The following TRPM4 variants were observed in gnomAD, a reference collection of about 807,000 sequenced individuals.
TRPM4 encodes the protein transient receptor potential cation channel subfamily M member 4, also known as calcium-activated non-selective cation channel 1.
In TRPM4, 124 loss-of-function variants were observed where a neutral mutation model predicts 135.6. That is an observed-to-expected ratio of 0.91 (90% CI 0.79 to 1.06). The LOEUF (loss-of-function observed/expected upper bound fraction) is 1.06, where lower values mean the gene tolerates loss of function less well. Ranked by LOEUF, TRPM4 falls within the 50% of genes least tolerant of loss-of-function variation. TRPM4 has a pLI of 0.00. For missense variants in TRPM4, 1,658 were observed against 1,671.4 expected (o/e 0.99, Z 0.14); for synonymous variants, 745 against 705.6 (o/e 1.06, Z -0.88).
intron 12 of TRPM4, among the ~76,000 whole-genome samples, chr19:49,186,887 A>G (rs1030002343): frequency 6.6e-6 from 1 of 151,720 alleles, no homozygotes; most frequent in African/African-American, 2.4e-5. Context: ...AAAAAAAAAA[A>G]AGATTTTAAC....
rs200998908 is a variant in TRPM4 at position 49,200,790 on chromosome 19, G to T, written c.2953+5G>T. The T allele has an allele frequency of 1.1e-5, 18 of 1,613,686 alleles. No individual in the cohort carries two copies. The highest frequency in any genetic ancestry group is 8.9e-5 in the East Asian group (4 of 44,858). On this transcript the variant is annotated splice_donor_5th_base_variant and intron_variant, in intron 19 of 24. Coordinates refer to ENST00000252826, the MANE Select transcript of TRPM4 (RefSeq NM_017636.4). ...TTCCCCAGGAGGACATGGACGGTAGGGGGGATGACGGCCTGACAGCCTTCC... is the reference window on the plus strand; with the variant it reads ...TTCCCCAGGAGGACATGGACGGTAGTGGGGATGACGGCCTGACAGCCTTCC...
chr19:49,194,680 C>T (rs1411278567), intron 16 of TRPM4, among the ~76,000 whole-genome samples: 4 of 137,442 alleles, frequency 2.9e-5, no homozygotes, highest in African/African-American at 1.1e-4. Context: ...TCCCTTCCTT[C>T]CTTCTTTTCT....
rs1847604099 is a variant in TRPM4, at chr19:49,210,365, C to T, written c.3288C>T (p.Pro1096=). Residue 1096 remains proline (P), a synonymous_variant, in exon 21 of 25, where the codon CCC becomes CCT. Transcript: ENST00000252826. The surrounding 1 kb of genome is among the most constrained non-coding windows in gnomAD (Gnocchi z 4.1). The part of the protein sequence containing the change: ...RLLLRQLCRR[P]RSPQPSSPAL... ...TGCTCAGGCAATTGTGCAGGCGACC[C>T]CGGAGCCCCCAGCCGTCCTCCCCGG... The T allele has an allele frequency of 6.2e-7, 1 of 1,614,136 alleles. No individual in the cohort carries two copies. The highest frequency in any genetic ancestry group is 8.5e-7 in the Non-Finnish European group (1 of 1,180,044).
At chr19:49,158,037 G>A in intron 1 of TRPM4, 147 bp downstream of exon 1, 5 of 1,254,698 alleles carry the variant, frequency 4.0e-6, no homozygotes, top group Non-Finnish European at 5.7e-6. Flanking sequence ...CAGGGCATGG[G>A]GGTCGAGACT....
chr19:49,171,461 T>G lies in TRPM4; in HGVS notation c.858+43T>G, dbSNP rs2122832629. ...CCCGGATCTAAGGGGGAAGGAGGGT[T>G]GGGGGCCAGGACTCCTGGGTCCTGA... On this transcript the variant is annotated intron_variant, in intron 7 of 24. Coordinates refer to ENST00000252826, the MANE Select transcript of TRPM4 (RefSeq NM_017636.4). The surrounding 1 kb of genome is among the most constrained non-coding windows in gnomAD (Gnocchi z 4.7). The G allele has an allele frequency of 6.2e-7, 1 of 1,613,090 alleles. No homozygotes were observed.
chr19:49,165,802 C>T (rs1037039816), intron 2 of TRPM4, among the ~76,000 whole-genome samples: 1 of 152,190 alleles, frequency 6.6e-6, no homozygotes, highest in Non-Finnish European at 1.5e-5. Flanking sequence ...TGACCTGCTT[C>T]TTCCTGCTCA....
intron 16 of TRPM4, among the ~76,000 whole-genome samples, chr19:49,192,636 T>C (rs560538614): frequency 3.9e-5 from 6 of 152,156 alleles, no homozygotes; most frequent in African/African-American, 1.4e-4. Context: ...TGAGAACACA[T>C]GGACACACAG....
intron 16 of TRPM4, among the ~76,000 whole-genome samples, chr19:49,195,961 C>T: frequency 6.6e-6 from 1 of 151,712 alleles, no homozygotes; most frequent in South Asian, 2.1e-4. Context: ...CAGGTTCAAG[C>T]GATTCTCCCG....
intron 12 of TRPM4, among the ~76,000 whole-genome samples, chr19:49,184,940 T>C: frequency 6.6e-6 from 1 of 151,820 alleles, no homozygotes. Flanking sequence ...TCTTTTTTTT[T>C]TAATTTTTAT....
At chr19:49,168,852 C>A in intron 6 of TRPM4, 116 bp downstream of exon 6, 1 of 1,115,712 alleles carries the variant, frequency 9.0e-7, no homozygotes, top group Non-Finnish European at 1.3e-6. Flanking sequence ...GGTTAAGTGT[C>A]TTTCCCCGTC....
At chr19:49,188,889 C>G (rs1968301996) in intron 13 of TRPM4, 57 bp from the exon 14 acceptor site, 1 of 1,613,338 alleles carries the variant, frequency 6.2e-7, no homozygotes, top group Non-Finnish European at 8.5e-7. Flanking sequence ...CCTCTCCCTT[C>G]ACACCCTCAC....
At chr19:49,197,330 TTC>T (rs1391663085) in intron 17 of TRPM4, among the ~76,000 whole-genome samples, 3 of 136,464 alleles carry the variant, frequency 2.2e-5, no homozygotes, top group African/African-American at 3.2e-5. Flanking sequence ...CTTTCTTTCT[TTC>T]TTTCTTTCTT....
Position 49,181,339 on chromosome 19 carries a change from A to G in TRPM4, c.1151-10A>G. 1 of 1,607,322 alleles carries G rather than the reference A, an allele frequency of 6.2e-7. No homozygotes were observed. ...TGACTTCTTGTCCCCTCTCCCTCTA[A>G]TCCTTCCAGCCTGTGGGAGCTCGGA... On this transcript the variant is annotated splice_polypyrimidine_tract_variant and intron_variant, in intron 9 of 24. Coordinates refer to ENST00000252826, the MANE Select transcript of TRPM4 (RefSeq NM_017636.4).
rs1967911600 is a variant in TRPM4, at chr19:49,181,330, C to G, written c.1151-19C>G. The G allele has an allele frequency of 6.3e-7, 1 of 1,589,398 alleles. No homozygotes were observed. The highest frequency in any genetic ancestry group is 8.6e-7 in the Non-Finnish European group (1 of 1,157,710). The stretch of plus-strand genomic sequence containing the variant: ...CTCCTCCCCTGACTTCTTGTCCCCT[C>G]TCCCTCTAATCCTTCCAGCCTGTGG... On this transcript the variant is annotated intron_variant, in intron 9 of 24. Transcript: ENST00000252826.
intron 3 of TRPM4, 24 bp downstream of exon 3, chr19:49,166,239 G>A (rs1182182424): frequency 1.3e-6 from 2 of 1,573,788 alleles, no homozygotes; most frequent in Non-Finnish European, 1.7e-6. Context: ...CTGTGGGCGG[G>A]GCCCGGGCAC....
At chr19:49,164,704 TTGCTTGC>T (rs1179863782) in intron 2 of TRPM4, among the ~76,000 whole-genome samples, 1 of 150,464 alleles carries the variant, frequency 6.6e-6, no homozygotes, top group Non-Finnish European at 1.5e-5. Flanking sequence ...GCTTGCTTGC[TTGCTTGC>T]TTGCTTGCTT....
intron 9 of TRPM4, among the ~76,000 whole-genome samples, chr19:49,177,458 G>T (rs1436608270): frequency 2.6e-5 from 4 of 151,342 alleles, no homozygotes; most frequent in Non-Finnish European, 4.4e-5. Context: ...CTCCCGAGAA[G>T]CTGGGACTAC....
In TRPM4 at chr19:49,171,306, C is replaced by T; in HGVS notation, c.797-51C>T. ...TGGGAAATGCGGTTTTCTCCTATCT[C>T]CAGCAAAGGCTGATGGGAGGTAATC... On this transcript the variant is annotated intron_variant, in intron 6 of 24. Transcript: ENST00000252826. The surrounding 1 kb of genome is among the most constrained non-coding windows in gnomAD (Gnocchi z 4.7). The T allele has an allele frequency of 6.2e-7, 1 of 1,607,272 alleles. No individual in the cohort carries two copies. The highest frequency in any genetic ancestry group is 8.5e-7 in the Non-Finnish European group (1 of 1,173,722).
Position 49,210,761 on chromosome 19 carries a change from T to G in TRPM4, c.3380T>G (p.Val1127Gly), listed in dbSNP as rs776952048. The part of the protein sequence containing the change: ...AERKLLTWES[V>G]HKENFLLARA... Reference sequence around the variant, plus strand: ...CGGAAGCTGCTAACGTGGGAATCGGTGCATAAGGAGAACTTTCTGCTGGCA... The same window carrying G: ...CGGAAGCTGCTAACGTGGGAATCGGGGCATAAGGAGAACTTTCTGCTGGCA... The change falls in exon 22 of 25, where the codon GTG becomes GGG. Residue 1127 changes from valine (V) to glycine (G), a missense_variant. Val to Gly is a moderately radical substitution (Grantham distance 109). Coordinates refer to ENST00000252826, the MANE Select transcript of TRPM4 (RefSeq NM_017636.4). This position sits in a 1 kb window ranked among gnomAD's most constrained non-coding sequence, Gnocchi z 4.1. 5 of 1,614,102 alleles carry G rather than the reference T, an allele frequency of 3.1e-6. No homozygotes were observed. Among genetic ancestry groups the G allele is most frequent in the African/African-American group, 2.7e-5 (2 of 75,048 alleles).
Sources: allele counts gnomAD v4.1 joint callset (sites outside exome capture counted in the v4.1 genomes callset), GRCh38; gene constraint gnomAD v4.1.1; non-coding constraint Gnocchi (gnomAD v3.1); transcripts MANE v1.5; gene names NCBI Gene and HGNC (gene_info 2026-07-23, HGNC 2026-07-21).